FARP2: variants seen among roughly 807,000 people sequenced by gnomAD.
The protein encoded by FARP2 is FERM, ARH/RhoGEF and pleckstrin domain protein 2, also known as FERM, ARHGEF and pleckstrin domain-containing protein 2.
Under a neutral mutation model 130.5 loss-of-function variants are expected in FARP2, and 111 were observed. The ratio of observed to expected loss-of-function variants is 0.85; its 90% CI spans 0.73 to 1.00. FARP2 has a LOEUF of 1.00. Among genes scored for constraint, FARP2 ranks in the 50% least tolerant of loss-of-function variants. FARP2 has a pLI of 0.00. For missense variants in FARP2, 1,385 were observed against 1,346.3 expected (o/e 1.03, Z -0.45); for synonymous variants, 504 against 516.9 (o/e 0.98, Z 0.34).
At chr2:241,466,344 C>A in intron 17 of FARP2, 1 of 985,448 alleles carries the variant, frequency 1.0e-6, no homozygotes, top group South Asian at 4.7e-5. Flanking sequence ...CGACACTATA[C>A]AACTCCTGGA....
At chr2:241,486,926 G>A (rs1169225045) in intron 21 of FARP2, among the ~76,000 whole-genome samples, 1 of 152,188 alleles carries the variant, frequency 6.6e-6, no homozygotes, top group Non-Finnish European at 1.5e-5. Context: ...TCCCAAGTGG[G>A]TAAGGTAAGC....
At chr2:241,431,130 A>T (rs923953668) in intron 8 of FARP2, among the ~76,000 whole-genome samples, 39 of 152,190 alleles carry the variant, frequency 2.6e-4, no homozygotes, top group African/African-American at 9.4e-4. Flanking sequence ...TAGATGATGT[A>T]AGCCCTCTTT....
intron 19 of FARP2, chr2:241,477,757 GA>G (rs998385419): frequency 6.6e-6 from 1 of 152,316 alleles, no homozygotes; most frequent in African/African-American, 2.4e-5. Context: ...CCATTTTAGT[GA>G]GTGTGTAATG....
intron 1 of FARP2, among the ~76,000 whole-genome samples, chr2:241,366,125 A>ATATATATATAAATATATATATACG (rs1553705676): frequency 1.5e-5 from 1 of 67,368 alleles, no homozygotes; most frequent in Non-Finnish European, 2.8e-5. Context: ...ATATATACGT[A>ATATATATATAAATATATATATACG]TATATATATA....
At chr2:241,480,839 T>C (rs1574904739) in intron 19 of FARP2, among the ~76,000 whole-genome samples, 1 of 152,090 alleles carries the variant, frequency 6.6e-6, no homozygotes, top group South Asian at 2.1e-4. Context: ...TAGTGGAAGG[T>C]AGGAGTCCAA....
Position 241,483,503 on chromosome 2 carries a change from G to A in FARP2, c.2301G>A (p.Lys767=). ...AGGGCTGCCTTCACAAGCTCACCAA[G>A]AAGGGCCTGCAGCAGAGGATGTTTT... The part of the protein sequence containing the change: ...IREGCLHKLT[K]KGLQQRMFFL... Residue 767 remains lysine, a synonymous_variant, in exon 20 of 27, where the codon AAG becomes AAA. Transcript: ENST00000264042. The A allele has an allele frequency of 1.9e-6, 3 of 1,614,236 alleles. No homozygotes were observed. Among genetic ancestry groups the A allele is most frequent in the Non-Finnish European group, 2.5e-6 (3 of 1,180,022 alleles).
chr2:241,390,954 G>A (rs1243754219), intron 2 of FARP2, among the ~76,000 whole-genome samples: 1 of 152,150 alleles, frequency 6.6e-6, no homozygotes, highest in Non-Finnish European at 1.5e-5. Context: ...GATTTCCCAG[G>A]CAGGCTTCCC....
chr2:241,358,208 T>A (rs1475333908), intron 1 of FARP2, among the ~76,000 whole-genome samples: 1 of 151,886 alleles, frequency 6.6e-6, no homozygotes, highest in Non-Finnish European at 1.5e-5. Context: ...AAAAAATAAA[T>A]AAAAAAAGCT....
chr2:241,430,089 AGTTT>A (rs1180693419), intron 8 of FARP2, among the ~76,000 whole-genome samples: 4 of 152,118 alleles, frequency 2.6e-5, no homozygotes, highest in South Asian at 4.1e-4. Context: ...CCATTTATTT[AGTTT>A]ATGTCACTGT....
intron 13 of FARP2, among the ~76,000 whole-genome samples, chr2:241,450,796 A>C (rs1187423185): frequency 6.6e-6 from 1 of 152,166 alleles, no homozygotes; most frequent in Admixed American, 6.6e-5. Flanking sequence ...CTAAAAATAC[A>C]AAACAATTAG....
At chr2:241,467,370 G>C (rs1486259519) in intron 17 of FARP2, among the ~76,000 whole-genome samples, 4 of 152,118 alleles carry the variant, frequency 2.6e-5, no homozygotes, top group African/African-American at 4.8e-5. Context: ...TATGGGCCAG[G>C]CATAGTGGTT....
intron 2 of FARP2, among the ~76,000 whole-genome samples, chr2:241,378,416 A>ATTTTTTTTTTTTTTTT (rs10692211): frequency 5.6e-5 from 6 of 107,666 alleles, no homozygotes; most frequent in Non-Finnish European, 7.3e-5. Flanking sequence ...TGCCTGGCCT[A>ATTTTTTTTTTTTTTTT]TTTTTTTTTT....
At chr2:241,452,440 C>G (rs2063685105) in intron 13 of FARP2, among the ~76,000 whole-genome samples, 1 of 152,104 alleles carries the variant, frequency 6.6e-6, no homozygotes, top group Non-Finnish European at 1.5e-5. Context: ...TACTGACTTT[C>G]ATGTAGGATC....
chr2:241,410,735 C>T (rs975072823), intron 5 of FARP2, among the ~76,000 whole-genome samples: 1 of 151,980 alleles, frequency 6.6e-6, no homozygotes, highest in Non-Finnish European at 1.5e-5. Flanking sequence ...TGGCCAATTT[C>T]TTTTTTTTAT....
chr2:241,474,290 G>A (rs2064393981), intron 18 of FARP2, among the ~76,000 whole-genome samples: 2 of 137,490 alleles, frequency 1.5e-5, no homozygotes, highest in South Asian at 2.4e-4. Flanking sequence ...CAGCCTGGGC[G>A]ACAGAGCGCA....
At chr2:241,460,447 CT>C (rs34619844) in intron 14 of FARP2, among the ~76,000 whole-genome samples, 165 of 145,604 alleles carry the variant, frequency 1.1e-3, no homozygotes, top group African/African-American at 1.1e-3. Flanking sequence ...CTTGGCTAAC[CT>C]TTTTTTTTTT....
At chr2:241,437,305 A>T (rs2063256901) in intron 12 of FARP2, among the ~76,000 whole-genome samples, 1 of 152,232 alleles carries the variant, frequency 6.6e-6, no homozygotes, top group Non-Finnish European at 1.5e-5. Flanking sequence ...AAAACATTTG[A>T]CAAGAATGTC....
intron 8 of FARP2, among the ~76,000 whole-genome samples, chr2:241,422,184 A>G (rs1007314061): frequency 6.6e-6 from 1 of 150,400 alleles, no homozygotes; most frequent in Non-Finnish European, 1.5e-5. Context: ...GGGAGGCTGA[A>G]ACAAGCAGAT....
At chr2:241,401,079 A>G (rs951043692) in intron 2 of FARP2, among the ~76,000 whole-genome samples, 3 of 152,224 alleles carry the variant, frequency 2.0e-5, no homozygotes, top group Admixed American at 6.5e-5. Flanking sequence ...AATTGTATGT[A>G]CAATGTCAGG....
Sources: allele counts gnomAD v4.1 joint callset (sites outside exome capture counted in the v4.1 genomes callset), GRCh38; gene constraint gnomAD v4.1.1; transcripts MANE v1.5; gene names NCBI Gene and HGNC (gene_info 2026-07-23, HGNC 2026-07-21).